The following NBEA variants were observed in gnomAD, a reference collection of about 807,000 sequenced individuals.
NBEA encodes lysosomal-trafficking regulator 2.
NBEA carries 44 observed loss-of-function variants against 343.4 expected under a neutral mutation model. That is an observed-to-expected ratio of 0.13 (90% CI 0.10 to 0.16). The LOEUF (loss-of-function observed/expected upper bound fraction) is 0.16. NBEA is among the 10% of genes least tolerant of loss of function. NBEA has a pLI of 1.00. For missense variants in NBEA, 2,555 were observed against 3,631.3 expected, an observed-to-expected ratio of 0.70 and a Z score of 7.62; for synonymous variants, 1,175 against 1,238.7, an observed-to-expected ratio of 0.95 and a Z score of 1.08.
At chr13:35,319,106 T>A (rs1190895561) in intron 36 of NBEA, among the ~76,000 whole-genome samples, 1 of 152,182 alleles carries the variant, frequency 6.6e-6, no homozygotes, top group Non-Finnish European at 1.5e-5. Flanking sequence ...TCTCCTACAG[T>A]TCTGCTCTGA....
intron 41 of NBEA, among the ~76,000 whole-genome samples, chr13:35,480,840 T>C (rs1160968345): frequency 6.6e-6 from 1 of 151,994 alleles, no homozygotes; most frequent in Admixed American, 6.6e-5. Context: ...GGTAACCTAA[T>C]TTGATGGCAT....
At chr13:35,439,916 G>C (rs2045643492) in intron 39 of NBEA, among the ~76,000 whole-genome samples, 1 of 152,038 alleles carries the variant, frequency 6.6e-6, no homozygotes, top group Non-Finnish European at 1.5e-5. Context: ...TTTCACTCTT[G>C]TTGCCCAGGC....
At chr13:35,088,112 T>C (rs1318647490) in intron 10 of NBEA, among the ~76,000 whole-genome samples, 1 of 151,478 alleles carries the variant, frequency 6.6e-6, no homozygotes, top group East Asian at 1.9e-4. Flanking sequence ...ATTACGGAGG[T>C]TGAAAAATCC....
chr13:35,232,401 T>C (rs976249564), intron 33 of NBEA, 91 bp from the exon 34 acceptor site: 3 of 885,434 alleles, frequency 3.4e-6, no homozygotes, highest in Admixed American at 5.3e-5. Context: ...AGGACATTTA[T>C]GATTTTTAAA....
At chr13:35,357,301 GT>G (rs770565194) in intron 38 of NBEA, among the ~76,000 whole-genome samples, 27 of 146,560 alleles carry the variant, frequency 1.8e-4, no homozygotes, top group Admixed American at 2.7e-4. Flanking sequence ...CTTTTTTGTT[GT>G]TTTTTTTTTA....
intron 33 of NBEA, among the ~76,000 whole-genome samples, chr13:35,212,883 G>A (rs988493447): frequency 2.0e-5 from 3 of 150,746 alleles, no homozygotes; most frequent in Admixed American, 6.6e-5. Context: ...GCTTTTTTTT[G>A]TCTTTTTCTA....
chr13:35,248,968 G>A (rs2152785610), intron 34 of NBEA, among the ~76,000 whole-genome samples: 1 of 152,128 alleles, frequency 6.6e-6, no homozygotes, highest in Non-Finnish European at 1.5e-5. Context: ...TGACCAACAT[G>A]GAGAAGCCCC....
intron 11 of NBEA, among the ~76,000 whole-genome samples, chr13:35,099,529 T>C (rs927986068): frequency 1.3e-5 from 2 of 152,146 alleles, no homozygotes; most frequent in Admixed American, 1.3e-4. Flanking sequence ...TCTTTTTTAT[T>C]AAGATAAAAA....
intron 34 of NBEA, among the ~76,000 whole-genome samples, chr13:35,273,180 G>A (rs2152805763): frequency 6.6e-6 from 1 of 152,212 alleles, no homozygotes; most frequent in East Asian, 1.9e-4. Context: ...AATCAAATTA[G>A]AATTCAGGAT....
At chr13:35,048,106 A>G (rs2062929439) in intron 4 of NBEA, among the ~76,000 whole-genome samples, 1 of 151,388 alleles carries the variant, frequency 6.6e-6, no homozygotes. Context: ...TTATCTCTTA[A>G]TGCTTGCATT....
At chr13:35,439,364 G>GA (rs1490992507) in intron 39 of NBEA, among the ~76,000 whole-genome samples, 1 of 152,214 alleles carries the variant, frequency 6.6e-6, no homozygotes, top group Non-Finnish European at 1.5e-5. Flanking sequence ...AGTCTGGTTG[G>GA]AGTAGGCTTC....
At chr13:35,193,435 C>T (rs2072346441) in intron 30 of NBEA, among the ~76,000 whole-genome samples, 1 of 151,832 alleles carries the variant, frequency 6.6e-6, no homozygotes, top group South Asian at 2.1e-4. Flanking sequence ...TAATTATTTT[C>T]CTGAAGAAAT....
At chr13:35,609,511 T>C (rs943253732) in intron 48 of NBEA, among the ~76,000 whole-genome samples, 2 of 152,240 alleles carry the variant, frequency 1.3e-5, no homozygotes, top group African/African-American at 4.8e-5. Context: ...ATGTAAATGA[T>C]CTAAACCATC....
chr13:35,004,470 G>A (rs117696232), intron 1 of NBEA, among the ~76,000 whole-genome samples: 6,965 of 152,068 alleles, frequency 0.046, 238 homozygotes, highest in Non-Finnish European at 0.067. Flanking sequence ...AGTTAAAGGG[G>A]GAAAAAAGCA....
intron 18 of NBEA, among the ~76,000 whole-genome samples, chr13:35,153,064 G>T (rs1368638766): frequency 7.6e-6 from 1 of 132,082 alleles, no homozygotes; most frequent in African/African-American, 2.9e-5. Context: ...TTGAGACAGA[G>T]TCTCACTCTG....
intron 38 of NBEA, among the ~76,000 whole-genome samples, chr13:35,424,675 G>A (rs1245159588): frequency 2.0e-5 from 3 of 152,164 alleles, no homozygotes; most frequent in Admixed American, 6.6e-5. Flanking sequence ...AAATGAGTTA[G>A]GGAGGATTCC....
intron 35 of NBEA, among the ~76,000 whole-genome samples, chr13:35,293,984 A>G (rs1210892387): frequency 6.6e-6 from 1 of 152,102 alleles, no homozygotes; most frequent in East Asian, 1.9e-4. Context: ...AAGCAAATGC[A>G]TGCTTAGTAA....
At chr13:35,019,743 T>A (rs1388608991) in intron 1 of NBEA, among the ~76,000 whole-genome samples, 1 of 152,216 alleles carries the variant, frequency 6.6e-6, no homozygotes, top group African/African-American at 2.4e-5. Context: ...GTAGTTTATG[T>A]CACTCAATGA....
At chr13:35,456,336 A>G (rs1268362017) in intron 40 of NBEA, among the ~76,000 whole-genome samples, 1 of 152,064 alleles carries the variant, frequency 6.6e-6, no homozygotes, top group Non-Finnish European at 1.5e-5. Context: ...CCAATTTATT[A>G]TGTATTGTAG....
Sources: gnomAD v4.1 joint callset for allele counts (sites outside exome capture counted in the v4.1 genomes callset) on GRCh38, gnomAD v4.1.1 for gene constraint, MANE v1.5 for transcripts, NCBI Gene and HGNC (gene_info 2026-07-23, HGNC 2026-07-21) for gene names.